Variants in LINGO2 observed in about 807,000 individuals in gnomAD.
LINGO2 encodes leucine-rich repeat and immunoglobulin-like domain-containing nogo receptor-interacting protein 2.
LINGO2 carries 14 observed loss-of-function variants against 30.6 expected under a neutral mutation model. The ratio of observed to expected loss-of-function variants is 0.46; its 90% confidence interval spans 0.30 to 0.72. The LOEUF (loss-of-function observed/expected upper bound fraction) is 0.72. LINGO2 is among the 30% of genes least tolerant of loss of function. LINGO2 has a pLI of 0.07. For synonymous variants in LINGO2, 317 were observed against 288.5 expected (o/e 1.10, Z -1.00); for missense variants, 729 against 751.7 (o/e 0.97, Z 0.35).
chr9:28,790,321 C>CTTTCTTTCTTTTTTTTTTTTTT, the LINGO2 span, among the ~76,000 whole-genome samples: 2 of 116,288 alleles, frequency 1.7e-5, 1 homozygote, highest in African/African-American at 7.1e-5. Flanking sequence ...CTTTTCTTTT[C>CTTTCTTTCTTTTTTTTTTTTTT]TTTCTTTTTT....
chr9:29,176,977 C>G, the LINGO2 span, among the ~76,000 whole-genome samples: 1 of 152,180 alleles, frequency 6.6e-6, no homozygotes, highest in Non-Finnish European at 1.5e-5. Flanking sequence ...CCTAGCCAGT[C>G]AGTTGGCCAA....
chr9:28,906,596 G>A, the LINGO2 span, among the ~76,000 whole-genome samples: 1 of 151,924 alleles, frequency 6.6e-6, no homozygotes, highest in African/African-American at 2.4e-5. Context: ...CAGAAAGGGT[G>A]TCTAATCAGT....
chr9:28,032,734 A>G (rs928357219), intron 4 of LINGO2, among the ~76,000 whole-genome samples: 5 of 152,248 alleles, frequency 3.3e-5, no homozygotes, highest in African/African-American at 1.2e-4. Context: ...ATACAGTGAC[A>G]TAGATCCTGC....
intron 4 of LINGO2, among the ~76,000 whole-genome samples, chr9:28,247,428 A>G (rs1232671143): frequency 6.6e-6 from 1 of 152,178 alleles, no homozygotes; most frequent in African/African-American, 2.4e-5. Context: ...CACAAAAAGG[A>G]ATGAGATCAT....
chr9:28,596,359 G>T lies in LINGO2; in HGVS notation c.-365+73841C>A, dbSNP rs572390401. The stretch of plus-strand genomic sequence containing the variant: ...CATATTTGACCTGATTTTGAAAGTT[G>T]TTTCTTTTTTTATAACTGTAAATAA... On this transcript the variant is annotated intron_variant, in intron 1 of 5. Coordinates refer to ENST00000379992, the Ensembl canonical transcript of LINGO2. Among the ~76,000 whole-genome samples the T allele has an allele frequency of 7.9e-5, 12 of 152,136 alleles. No homozygotes were observed. In the East Asian group the frequency reaches 2.3e-3, roughly 29 times the overall value.
At position 28,433,923 on chromosome 9, in the gene LINGO2, T is replaced by TCTCTCTCTCTCTCTCTCTCTCTC. The variant is rs1564196132; in HGVS notation, c.-279+42016_-279+42017insGAGAGAGAGAGAGAGAGAGAGAG. ...TGGATAAAGAAAATGTGCTCTCTCT[T>TCTCTCTCTCTCTCTCTCTCTCTC]TCTCTCTCTCTCTCTCTCTCTCTCT... On this transcript the variant is annotated intron_variant, in intron 2 of 5. Transcript: ENST00000379992. Among the ~76,000 whole-genome samples, 97 of 109,944 alleles carry TCTCTCTCTCTCTCTCTCTCTCTC rather than the reference T, an allele frequency of 8.8e-4. 22 individuals carry two copies. Among genetic ancestry groups the TCTCTCTCTCTCTCTCTCTCTCTC allele is most frequent in the Admixed American group, 1.7e-3 (16 of 9,680 alleles). 72.1% of individuals were successfully genotyped at this position (109,944 alleles called of 152,430 possible).
chr9:28,433,923 T>TCTCTCTCTCTCTTTCTC (rs1564196132), intron 2 of LINGO2, among the ~76,000 whole-genome samples: 1 of 109,932 alleles, frequency 9.1e-6, no homozygotes, highest in Non-Finnish European at 2.0e-5. Flanking sequence ...TGCTCTCTCT[T>TCTCTCTCTCTCTTTCTC]TCTCTCTCTC....
chr9:28,925,065 T>C, the LINGO2 span, among the ~76,000 whole-genome samples: 6,278 of 152,302 alleles, frequency 0.041, 198 homozygotes, highest in Admixed American at 0.082. Context: ...AATCAATGAA[T>C]TTGTTAATTA....
the LINGO2 span, among the ~76,000 whole-genome samples, chr9:28,752,517 T>C: frequency 4.4e-4 from 67 of 152,044 alleles, 2 homozygotes; most frequent in African/African-American, 1.6e-3. Context: ...TTTCTAAATA[T>C]TGGCATAAAT....
the LINGO2 span, among the ~76,000 whole-genome samples, chr9:29,115,466 C>A: frequency 6.6e-6 from 1 of 151,862 alleles, no homozygotes; most frequent in South Asian, 2.1e-4. Context: ...ACTCAAATTT[C>A]TGAATTTTAT....
intron 1 of LINGO2, among the ~76,000 whole-genome samples, chr9:28,512,644 TACATAC>T (rs1269680035): frequency 1.2e-4 from 7 of 59,928 alleles, no homozygotes; most frequent in East Asian, 7.2e-4. Context: ...TATACACACA[TACATAC>T]ACACACACAC....
At chr9:28,995,205 T>G in the LINGO2 span, among the ~76,000 whole-genome samples, 1 of 152,086 alleles carries the variant, frequency 6.6e-6, no homozygotes, top group Non-Finnish European at 1.5e-5. Flanking sequence ...AAAATCTGGG[T>G]GAAGGACATG....
At chr9:28,997,576 C>A in the LINGO2 span, among the ~76,000 whole-genome samples, 10 of 152,302 alleles carry the variant, frequency 6.6e-5, no homozygotes, top group South Asian at 1.9e-3. Context: ...GTAATCCCAG[C>A]ACTTTGGGAG....
chr9:28,031,352 GGTTT>G (rs961253071), intron 4 of LINGO2, among the ~76,000 whole-genome samples: 16 of 139,622 alleles, frequency 1.1e-4, no homozygotes, highest in African/African-American at 2.9e-4. Flanking sequence ...AAAACAGGAT[GGTTT>G]TTTTTTTTTT....
intron 4 of LINGO2, among the ~76,000 whole-genome samples, chr9:28,282,150 A>T (rs1823350150): frequency 6.6e-6 from 1 of 152,150 alleles, no homozygotes; most frequent in Admixed American, 6.5e-5. Context: ...GTTCTGATTC[A>T]TTAGAGACCA....
intron 4 of LINGO2, among the ~76,000 whole-genome samples, chr9:28,276,640 C>T (rs1823124295): frequency 6.6e-6 from 1 of 152,170 alleles, no homozygotes; most frequent in Non-Finnish European, 1.5e-5. Context: ...GGTACAGTTA[C>T]ATCCACTGGA....
At chr9:27,956,094 C>T (rs1819556255) in intron 5 of LINGO2, among the ~76,000 whole-genome samples, 1 of 152,104 alleles carries the variant, frequency 6.6e-6, no homozygotes, top group Non-Finnish European at 1.5e-5. Context: ...GCGTGCGCCA[C>T]CATGCCTGGC....
intron 4 of LINGO2, among the ~76,000 whole-genome samples, chr9:28,223,533 G>A (rs929412477): frequency 7.2e-5 from 11 of 152,196 alleles, no homozygotes; most frequent in Non-Finnish European, 1.2e-4. Flanking sequence ...TGAAACCACA[G>A]CAGCAAATCA....
At chr9:28,989,601 C>T in the LINGO2 span, among the ~76,000 whole-genome samples, 3 of 152,050 alleles carry the variant, frequency 2.0e-5, no homozygotes, top group African/African-American at 7.2e-5. Context: ...ACAGACTCAC[C>T]CACTGCTACC....
Sources: gnomAD v4.1 joint callset for allele counts (sites outside exome capture counted in the v4.1 genomes callset) on GRCh38, gnomAD v4.1.1 for gene constraint, MANE v1.5 for transcripts, NCBI Gene and HGNC (gene_info 2026-07-23, HGNC 2026-07-21) for gene names.